Variants in CERS6 observed in about 807,000 individuals in gnomAD.
CERS6 encodes the protein LAG1 homolog, ceramide synthase 6.
CERS6 carries 26 observed loss-of-function variants against 56.8 expected under a neutral mutation model. The observed-to-expected ratio is 0.46, with a 90% confidence interval of 0.34 to 0.63. The LOEUF (loss-of-function observed/expected upper bound fraction) is 0.63. Among genes scored for constraint, CERS6 ranks in the 30% least tolerant of loss-of-function variants. The probability of loss-of-function intolerance (pLI) is 0.01; values close to 1 mark genes in which losing one functional copy is unlikely to be tolerated. For synonymous variants in CERS6, 164 were observed against 173.3 expected (o/e 0.95, Z 0.42); for missense variants, 415 against 467.5 (o/e 0.89, Z 1.04).
intron 4 of CERS6, among the ~76,000 whole-genome samples, chr2:168,645,824 G>T (rs1383244850): frequency 1.3e-5 from 2 of 152,204 alleles, no homozygotes; most frequent in African/African-American, 4.8e-5. Flanking sequence ...GTTTGCTAAA[G>T]ATAATGATCT....
At chr2:168,557,459 G>A (rs1219830022) in intron 2 of CERS6, among the ~76,000 whole-genome samples, 6 of 152,086 alleles carry the variant, frequency 3.9e-5, no homozygotes, top group African/African-American at 1.2e-4. Context: ...TTTAGAAAAA[G>A]TATAAAGATT....
At chr2:168,712,649 TAAG>T (rs1317237699) in intron 6 of CERS6, among the ~76,000 whole-genome samples, 13 of 152,252 alleles carry the variant, frequency 8.5e-5, no homozygotes, top group African/African-American at 2.7e-4. Flanking sequence ...TGGTAATAGA[TAAG>T]AAGAAGCTAC....
rs890052753 is a variant in CERS6 at position 168,599,669 on chromosome 2, C to G, written c.408-31316C>G. Reference sequence around the variant, plus strand: ...TTGAGATCTGTGTAACATTTGAGAGCTTTATGTTGGTTTTATATATGCTTG... The same window carrying G: ...TTGAGATCTGTGTAACATTTGAGAGGTTTATGTTGGTTTTATATATGCTTG... On this transcript the variant is annotated intron_variant, in intron 3 of 9. Coordinates refer to ENST00000305747, the MANE Select transcript of CERS6 (RefSeq NM_203463.3). Among the ~76,000 whole-genome samples the G allele has an allele frequency of 2.6e-5, 4 of 152,118 alleles. No homozygotes were observed. In the East Asian group the frequency reaches 7.7e-4, roughly 29 times the overall value.
At chr2:168,723,394 C>G (rs1683239904) in intron 8 of CERS6, among the ~76,000 whole-genome samples, 1 of 152,178 alleles carries the variant, frequency 6.6e-6, no homozygotes, top group Non-Finnish European at 1.5e-5. Context: ...AATTCCTGTT[C>G]TGTACCTCAG....
Position 168,657,980 on chromosome 2 carries a change from C to CT in CERS6, c.465+26939dup, listed in dbSNP as rs368953815. Among the ~76,000 whole-genome samples, 478 of 152,338 alleles carry CT rather than the reference C, an allele frequency of 3.1e-3. 1 individual carries two copies. Among genetic ancestry groups the CT allele is most frequent in the African/African-American group, 0.011 (457 of 41,586 alleles). ...CGAGAGCAAGCGAGGGCTCTGAGGA[C>CT]TGCCAGCACACTGTCACCTCTCAAT... On this transcript the variant is annotated intron_variant, in intron 4 of 9. Coordinates refer to ENST00000305747, the MANE Select transcript of CERS6 (RefSeq NM_203463.3).
chr2:168,682,316 A>T (rs549560091), intron 4 of CERS6, among the ~76,000 whole-genome samples: 5 of 152,240 alleles, frequency 3.3e-5, no homozygotes, highest in Non-Finnish European at 7.3e-5. Context: ...TGAACATAAG[A>T]AAAAATAAAA....
intron 1 of CERS6, among the ~76,000 whole-genome samples, chr2:168,499,996 G>C (rs1443072307): frequency 6.6e-6 from 1 of 152,102 alleles, no homozygotes; most frequent in Non-Finnish European, 1.5e-5. Context: ...GAGCAGCAGT[G>C]TGCTACCCTA....
chr2:168,611,888 C>A (rs1488454613), intron 3 of CERS6, among the ~76,000 whole-genome samples: 1 of 152,192 alleles, frequency 6.6e-6, no homozygotes, highest in African/African-American at 2.4e-5. Flanking sequence ...TCATTCTACA[C>A]TTGTGTCTTC....
At chr2:168,632,014 C>G (rs1283832570) in intron 4 of CERS6, among the ~76,000 whole-genome samples, 2 of 150,930 alleles carry the variant, frequency 1.3e-5, no homozygotes, top group Non-Finnish European at 2.9e-5. Flanking sequence ...GTTGCTTTTA[C>G]TATAATCCTG....
intron 8 of CERS6, among the ~76,000 whole-genome samples, chr2:168,753,117 G>A (rs1415026062): frequency 6.6e-6 from 1 of 152,182 alleles, no homozygotes; most frequent in Non-Finnish European, 1.5e-5. Flanking sequence ...TTATTTTGTG[G>A]ATGAGGAAAC....
At chr2:168,657,769 C>G (rs1238262875) in intron 4 of CERS6, among the ~76,000 whole-genome samples, 2 of 152,242 alleles carry the variant, frequency 1.3e-5, no homozygotes, top group Non-Finnish European at 2.9e-5. Context: ...ACCCGGAACT[C>G]CAGCTGGCCC....
At chr2:168,595,532 C>T (rs1222425296) in intron 3 of CERS6, among the ~76,000 whole-genome samples, 2 of 152,250 alleles carry the variant, frequency 1.3e-5, no homozygotes, top group East Asian at 1.9e-4. Flanking sequence ...TCCTGAATCT[C>T]CTTACATTGG....
At chr2:168,507,703 A>G (rs901223993) in intron 1 of CERS6, among the ~76,000 whole-genome samples, 13 of 152,188 alleles carry the variant, frequency 8.5e-5, no homozygotes, top group African/African-American at 3.1e-4. Flanking sequence ...CTCCACCCAC[A>G]TCCAATGACA....
intron 2 of CERS6, among the ~76,000 whole-genome samples, chr2:168,559,707 C>A (rs1442850803): frequency 1.8e-5 from 1 of 54,670 alleles, no homozygotes; most frequent in Non-Finnish European, 4.2e-5. Flanking sequence ...ACCCCTTGAG[C>A]TGCTTGAGCT....
At chr2:168,578,383 T>G (rs956845958) in intron 3 of CERS6, among the ~76,000 whole-genome samples, 3 of 152,134 alleles carry the variant, frequency 2.0e-5, no homozygotes, top group Non-Finnish European at 4.4e-5. Flanking sequence ...AGTAAGCTGC[T>G]GAGGTAGTAA....
chr2:168,701,055 C>T (rs950290039), intron 6 of CERS6, among the ~76,000 whole-genome samples: 1 of 152,098 alleles, frequency 6.6e-6, no homozygotes, highest in Admixed American at 6.5e-5. Flanking sequence ...CTCTCTAGGG[C>T]TCCCACTTCT....
At chr2:168,752,279 A>ATG (rs397870530) in intron 8 of CERS6, among the ~76,000 whole-genome samples, 20,966 of 132,462 alleles carry the variant, frequency 0.16, 1,709 homozygotes, top group African/African-American at 0.22. Context: ...AAAAAAATAA[A>ATG]TGTGTGTGTG....
chr2:168,677,757 A>G (rs1686101458), intron 4 of CERS6, among the ~76,000 whole-genome samples: 2 of 152,146 alleles, frequency 1.3e-5, no homozygotes, highest in Non-Finnish European at 2.9e-5. Flanking sequence ...TCGGCCTCCC[A>G]AAGTGCTGAG....
Position 168,727,406 on chromosome 2 carries a change from G to A in CERS6, c.845+9428G>A, listed in dbSNP as rs892926822. On this transcript the variant is annotated intron_variant, in intron 8 of 9. Transcript: ENST00000305747. ...TCTACTAAAAATACATAAATTAGCC[G>A]GGTGTGGTGGCATGCGCCTGTAGTC... Among the ~76,000 whole-genome samples, 12 of 151,984 alleles carry A rather than the reference G, an allele frequency of 7.9e-5. No individual in the cohort carries two copies. The South Asian group carries it at 1.0e-3, about 13-fold the overall frequency.
Sources: allele counts gnomAD v4.1 joint callset (sites outside exome capture counted in the v4.1 genomes callset), GRCh38; gene constraint gnomAD v4.1.1; transcripts MANE v1.5; gene names NCBI Gene and HGNC (gene_info 2026-07-23, HGNC 2026-07-21).